The following PTK2 variants were observed in gnomAD, a reference collection of about 807,000 sequenced individuals.
PTK2 encodes protein tyrosine kinase 2.
A neutral mutation model predicts 150.1 loss-of-function variants in PTK2; 45 were observed. The ratio of observed to expected loss-of-function variants is 0.30; its 90% CI spans 0.24 to 0.38. PTK2 has a LOEUF of 0.38. Ranked by LOEUF, PTK2 falls within the 10% of genes least tolerant of loss-of-function variation. PTK2 has a pLI of 1.00. For missense variants in PTK2, 919 were observed against 1,307.3 expected, an observed-to-expected ratio of 0.70 and a Z score of 4.58; for synonymous variants, 432 against 449.2, an observed-to-expected ratio of 0.96 and a Z score of 0.48.
At chr8:140,667,074 T>C (rs1308731033) in intron 30 of PTK2, among the ~76,000 whole-genome samples, 3 of 151,992 alleles carry the variant, frequency 2.0e-5, no homozygotes. Flanking sequence ...AGTCAATTCA[T>C]AGAGATAGCA....
intron 29 of PTK2, 75 bp downstream of exon 33, chr8:140,669,652 A>G (rs2094520213): frequency 1.1e-5 from 17 of 1,482,886 alleles, no homozygotes; most frequent in Non-Finnish European, 1.5e-5. Context: ...CCTGCTTTCC[A>G]GTCCAAAGTT....
At position 140,744,064 on chromosome 8, in the gene PTK2, A is replaced by ATGG. The variant is rs58272700; in HGVS notation, c.1634+587_1634+588insCCA. Among the ~76,000 whole-genome samples the ATGG allele has an allele frequency of 1.2e-4, 3 of 26,000 alleles. No individual in the cohort carries two copies. The South Asian group carries it at 3.4e-3, about 29-fold the overall frequency. The allele number at this position is 26,000 out of a possible 152,430, so 17.1% of individuals were successfully genotyped here. ...AGTGCTGGGACTACAGCTATGAGCC[A>ATGG]CCGCGCCCGGCCTATTTCTTTTTTT... On this transcript the variant is annotated intron_variant, in intron 19 of 31. Transcript: ENST00000522684.
At chr8:140,974,503 G>A (rs1037873911) in intron 1 of PTK2, among the ~76,000 whole-genome samples, 2 of 152,212 alleles carry the variant, frequency 1.3e-5, no homozygotes, top group Admixed American at 1.3e-4. Flanking sequence ...TCGGAAAGGA[G>A]GAGAAACTAG....
intron 1 of PTK2, among the ~76,000 whole-genome samples, chr8:140,967,210 T>C (rs1267192911): frequency 6.6e-6 from 1 of 152,230 alleles, no homozygotes; most frequent in Non-Finnish European, 1.5e-5. Flanking sequence ...CTCAAAATCA[T>C]GCTGCTATTC....
intron 17 of PTK2, 125 bp downstream of exon 20, chr8:140,752,107 G>C (rs1443893093): frequency 3.6e-6 from 3 of 834,198 alleles, no homozygotes; most frequent in African/African-American, 1.7e-5. Context: ...AATTTGCAAG[G>C]CAAAATAATA....
chr8:140,981,096 G>GAA (rs781163891), intron 1 of PTK2, among the ~76,000 whole-genome samples: 1 of 118,116 alleles, frequency 8.5e-6, no homozygotes, highest in African/African-American at 3.1e-5. Flanking sequence ...TCCTGCTCTG[G>GAA]AAAAAAAAAA....
Position 140,992,894 on chromosome 8 carries a change from A to C in PTK2, c.-122+8231T>G, listed in dbSNP as rs545735900. Among the ~76,000 whole-genome samples the C allele has an allele frequency of 7.9e-5, 12 of 152,356 alleles. No individual in the cohort carries two copies. The South Asian group carries it at 1.7e-3, about 21-fold the overall frequency. ...CATAACTCACACTTCAACATTAAGA[A>C]GACGTTTGTTCTTTTAAATGGTTTA... On this transcript the variant is annotated intron_variant, in intron 1 of 31. Coordinates refer to ENST00000522684, the Ensembl canonical transcript of PTK2.
intron 22 of PTK2, chr8:140,721,891 G>T (rs2154300025): frequency 6.6e-6 from 1 of 152,296 alleles, no homozygotes; most frequent in East Asian, 1.9e-4. Flanking sequence ...AAAGAAACTA[G>T]TGCCTAACTT....
intron 27 of PTK2, among the ~76,000 whole-genome samples, chr8:140,677,153 C>T (rs1344389346): frequency 1.3e-5 from 2 of 152,148 alleles, no homozygotes; most frequent in African/African-American, 2.4e-5. Context: ...AATCCCAGGA[C>T]TTCCCAGTGT....
intron 16 of PTK2, among the ~76,000 whole-genome samples, chr8:140,756,785 C>T (rs1243384903): frequency 6.6e-6 from 1 of 150,714 alleles, no homozygotes; most frequent in African/African-American, 2.4e-5. Context: ...GTCAGGAGAT[C>T]GACACCATCC....
chr8:140,962,072 G>A (rs1320728345), intron 1 of PTK2, among the ~76,000 whole-genome samples: 5 of 151,968 alleles, frequency 3.3e-5, no homozygotes, highest in South Asian at 2.1e-4. Flanking sequence ...GCAAAACCCC[G>A]TCTCTACTAA....
chr8:140,708,122 C>G (rs1228112682), intron 23 of PTK2, among the ~76,000 whole-genome samples: 1 of 152,158 alleles, frequency 6.6e-6, no homozygotes, highest in African/African-American at 2.4e-5. Flanking sequence ...AAGGTGGAAA[C>G]CCATTACTGT....
rs113580900 is a variant in PTK2, at chr8:140,759,847, C to CCACA, written c.1332+1314_1332+1317dup. Among the ~76,000 whole-genome samples the CCACA allele has an allele frequency of 8.2e-4, 118 of 144,762 alleles. 1 individual carries two copies. The highest frequency in any genetic ancestry group is 1.4e-3 in the African/African-American group (57 of 39,648). The allele number at this position is 144,762 out of a possible 152,430, so 95.0% of individuals were successfully genotyped here. ...GACAGAGCAAGACTCTCTCTCTCAC[C>CCACA]CACACACACACACACACACAAACAA... On this transcript the variant is annotated intron_variant, in intron 16 of 31. Transcript: ENST00000522684.
At chr8:140,665,692 A>G (rs1191392710) in intron 30 of PTK2, among the ~76,000 whole-genome samples, 2 of 152,244 alleles carry the variant, frequency 1.3e-5, no homozygotes, top group Admixed American at 6.5e-5. Flanking sequence ...GAATAAAACC[A>G]GTAAGAAAAT....
chr8:140,666,380 T>C (rs1470995788), intron 30 of PTK2, among the ~76,000 whole-genome samples: 1 of 151,728 alleles, frequency 6.6e-6, no homozygotes, highest in Non-Finnish European at 1.5e-5. Context: ...ACAACAACAA[T>C]TGTAGGATTC....
intron 5 of PTK2, among the ~76,000 whole-genome samples, chr8:140,863,607 C>T (rs374465620): frequency 2.6e-5 from 4 of 152,176 alleles, no homozygotes; most frequent in East Asian, 1.9e-4. Flanking sequence ...TCAAATGATG[C>T]TTTTCAGTGG....
chr8:140,879,654 A>G lies in PTK2; in HGVS notation c.196-17T>C. ...AATGATGCCCTAAAACATACCCCCC[A>G]CAAGAATGACTGTTATAAACTGAAA... On this transcript the variant is annotated splice_polypyrimidine_tract_variant and intron_variant, in intron 3 of 31. Coordinates refer to ENST00000522684, the Ensembl canonical transcript of PTK2. 3 of 966,248 alleles carry G rather than the reference A, an allele frequency of 3.1e-6. No homozygotes were observed. The highest frequency in any genetic ancestry group is 4.4e-6 in the Non-Finnish European group (3 of 688,222). The allele number at this position is 966,248 out of a possible 1,614,324, so 59.9% of individuals were successfully genotyped here.
At chr8:140,735,007 G>A (rs2100051762) in intron 22 of PTK2, 4 of 544,090 alleles carry the variant, frequency 7.4e-6, no homozygotes, top group Non-Finnish European at 1.3e-5. Context: ...TGCTAAGTCA[G>A]AAGCTAGGGG....
intron 2 of PTK2, among the ~76,000 whole-genome samples, chr8:140,897,628 G>T (rs1240831370): frequency 6.6e-6 from 1 of 152,110 alleles, no homozygotes; most frequent in African/African-American, 2.4e-5. Context: ...CACTCATCAC[G>T]GTTTGGTCAG....
Sources: allele counts gnomAD v4.1 joint callset (sites outside exome capture counted in the v4.1 genomes callset), GRCh38; gene constraint gnomAD v4.1.1; transcripts MANE v1.5; gene names NCBI Gene and HGNC (gene_info 2026-07-23, HGNC 2026-07-21).